Variants in SH3D19 observed in about 807,000 individuals in gnomAD.
SH3D19 encodes SH3 domain containing 19.
Under a neutral mutation model 112.1 loss-of-function variants are expected in SH3D19, and 58 were observed. The ratio of observed to expected loss-of-function variants is 0.52; its 90% CI spans 0.42 to 0.64. SH3D19 has a LOEUF of 0.64. SH3D19 is among the 30% of genes least tolerant of loss of function. The pLI is 0.00. For missense variants in SH3D19, 1,090 were observed against 1,263.4 expected, an observed-to-expected ratio of 0.86 and a Z score of 2.08; for synonymous variants, 391 against 448.5, an observed-to-expected ratio of 0.87 and a Z score of 1.62.
chr4:151,250,913 C>T (rs1278818531), intron 1 of SH3D19, among the ~76,000 whole-genome samples: 1 of 152,202 alleles, frequency 6.6e-6, no homozygotes, highest in Non-Finnish European at 1.5e-5. Flanking sequence ...TCAACAAAGA[C>T]TGTTGGCCGA....
chr4:151,150,376 C>T (rs924738729), intron 9 of SH3D19, among the ~76,000 whole-genome samples: 12 of 144,976 alleles, frequency 8.3e-5, no homozygotes, highest in Admixed American at 1.4e-4. Flanking sequence ...TTATTCATTC[C>T]GTGATCACAC....
Position 151,325,511 on chromosome 4 carries a change from C to A in SH3D19, c.-159G>T. 1 of 316,208 alleles carries A rather than the reference C, an allele frequency of 3.2e-6. No individual in the cohort carries two copies. 19.6% of individuals were successfully genotyped at this position (316,208 alleles called of 1,614,324 possible). A position where few individuals can be genotyped will look rare whatever the true frequency, so the allele number is the denominator to read the frequency against. On this transcript the variant is annotated 5_prime_UTR_variant, in exon 1 of 20. Coordinates refer to ENST00000604030, the MANE Select transcript of SH3D19 (RefSeq NM_001378122.1). ...CGGCGGCTGTGGAAATGGCCACCTCCGCGAACTCCACCTGCAGCCGGCCGG... is the reference window on the plus strand; with the variant it reads ...CGGCGGCTGTGGAAATGGCCACCTCAGCGAACTCCACCTGCAGCCGGCCGG...
intron 2 of SH3D19, among the ~76,000 whole-genome samples, chr4:151,222,851 G>C (rs1768321040): frequency 6.6e-6 from 1 of 151,676 alleles, no homozygotes; most frequent in Non-Finnish European, 1.5e-5. Context: ...TGTTAGTAGA[G>C]ATGGAGTTGG....
In SH3D19 at chr4:151,132,215, T is replaced by G. The variant is rs1750869641; in HGVS notation, c.2742+116A>C. On this transcript the variant is annotated intron_variant, in intron 17 of 19. Transcript: ENST00000604030. ...CATCTAAGAATTTATTACAAACATT[T>G]GTTGTATGAATTGAAAAATTAATTC... 35 of 792,032 alleles carry G rather than the reference T, an allele frequency of 4.4e-5. No individual in the cohort carries two copies. In the South Asian group the frequency reaches 6.2e-4, roughly 14 times the overall value. The allele number at this position is 792,032 out of a possible 1,614,324, so 49.1% of individuals were successfully genotyped here.
chr4:151,272,940 C>T (rs1773328295), intron 1 of SH3D19, among the ~76,000 whole-genome samples: 1 of 152,060 alleles, frequency 6.6e-6, no homozygotes, highest in Admixed American at 6.6e-5. Flanking sequence ...TCAATTATTA[C>T]ATGAGGGGCT....
At chr4:151,229,621 A>G (rs1364038825) in intron 1 of SH3D19, among the ~76,000 whole-genome samples, 1 of 152,194 alleles carries the variant, frequency 6.6e-6, no homozygotes, top group African/African-American at 2.4e-5. Flanking sequence ...AAGACAGAAA[A>G]CAAGGCAGAG....
chr4:151,166,206 T>G (rs1757999571), intron 7 of SH3D19: 1 of 152,186 alleles, frequency 6.6e-6, no homozygotes, highest in Admixed American at 6.5e-5. Context: ...AAACTACACT[T>G]CAGTAACATG....
intron 4 of SH3D19, among the ~76,000 whole-genome samples, chr4:151,178,784 T>C (rs1285948915): frequency 6.6e-6 from 1 of 152,176 alleles, no homozygotes; most frequent in Non-Finnish European, 1.5e-5. Flanking sequence ...AATGTCATGA[T>C]GTAATGTAAA....
At chr4:151,269,138 T>C (rs564557565) in intron 1 of SH3D19, among the ~76,000 whole-genome samples, 8 of 152,252 alleles carry the variant, frequency 5.3e-5, no homozygotes, top group Non-Finnish European at 7.3e-5. Flanking sequence ...CCATTCTAAC[T>C]GATGTGAGAT....
intron 1 of SH3D19, among the ~76,000 whole-genome samples, chr4:151,236,102 G>A (rs562654326): frequency 1.3e-5 from 2 of 152,350 alleles, no homozygotes; most frequent in African/African-American, 2.4e-5. Context: ...AGCAGCCCTC[G>A]TTCACTCTTG....
At chr4:151,122,246 G>T in intron 19 of SH3D19, 39 bp from the exon 20 acceptor site, 2 of 1,136,404 alleles carry the variant, frequency 1.8e-6, no homozygotes, top group Non-Finnish European at 2.7e-6. Context: ...GGTTTCTGTT[G>T]AGAATAAGCA....
At chr4:151,227,872 T>A (rs2149952456) in intron 1 of SH3D19, 1 of 985,388 alleles carries the variant, frequency 1.0e-6, no homozygotes, top group East Asian at 1.1e-4. Flanking sequence ...CTAATCTTCC[T>A]AGTGGTACAA....
intron 1 of SH3D19, among the ~76,000 whole-genome samples, chr4:151,274,242 T>C (rs1001842977): frequency 1.4e-4 from 21 of 152,190 alleles, no homozygotes; most frequent in African/African-American, 4.6e-4. Context: ...AATGGAGAGA[T>C]TTTTTTCACG....
In SH3D19 at chr4:151,175,413, C is replaced by A; in HGVS notation, c.791G>T (p.Arg264Leu). ...AAVGEESSPGRPQSLLDNAST... is the reference protein window; with the variant it reads ...AAVGEESSPGLPQSLLDNAST... ...AGCGTTGTCCAGCAGAGACTGGGGC[C>A]GGCCTGGGGATGACTCCTCTCCTAC... Residue 264 changes from arginine (R) to leucine (L), a missense_variant, in exon 7 of 20, where the codon CGG (arginine) becomes CTG (leucine). Arg to Leu is a moderately radical substitution (Grantham distance 102). Transcript: ENST00000604030. 6.5e-7 allele frequency: 1 copy of A among 1,544,086 alleles called. No homozygotes were observed. The highest frequency in any genetic ancestry group is 2.3e-5 in the East Asian group (1 of 44,308).
intron 1 of SH3D19, among the ~76,000 whole-genome samples, chr4:151,267,760 G>A (rs1772922618): frequency 1.3e-5 from 2 of 152,136 alleles, no homozygotes; most frequent in African/African-American, 4.8e-5. Context: ...AAAAGAACAG[G>A]TGCATTAGTT....
In SH3D19 at chr4:151,175,145, C is replaced by T; in HGVS notation, c.1059G>A (p.Glu353=). The T allele has an allele frequency of 6.2e-7, 1 of 1,614,112 alleles. No homozygotes were observed. The highest frequency in any genetic ancestry group is 8.5e-7 in the Non-Finnish European group (1 of 1,180,026). Residue 353 remains glutamate, a synonymous_variant, in exon 7 of 20, where the codon GAG becomes GAA. Transcript: ENST00000604030. ...CCTTGGAGGTCACCTTGAGTCTGTT[C>T]TCAGTCCCAGAGTCCCACTCTCCAG... ...RASGEWDSGT[E]NRLKVTSKEG...
At chr4:151,277,552 A>G (rs1010927666) in intron 1 of SH3D19, among the ~76,000 whole-genome samples, 12 of 152,176 alleles carry the variant, frequency 7.9e-5, no homozygotes, top group Admixed American at 7.9e-4. Flanking sequence ...GAGTGTTGCA[A>G]TCTTTAGAAG....
At chr4:151,194,085 G>A (rs1301214915) in intron 2 of SH3D19, among the ~76,000 whole-genome samples, 1 of 140,726 alleles carries the variant, frequency 7.1e-6, no homozygotes, top group Non-Finnish European at 1.5e-5. Flanking sequence ...GAGTGCAGTG[G>A]CATGATCTCG....
chr4:151,247,487 T>C (rs1174605866), intron 1 of SH3D19, among the ~76,000 whole-genome samples: 1 of 152,200 alleles, frequency 6.6e-6, no homozygotes, highest in African/African-American at 2.4e-5. Flanking sequence ...CTATTTCTTT[T>C]AAAAAATTAA....
Sources: allele counts gnomAD v4.1 joint callset (sites outside exome capture counted in the v4.1 genomes callset), GRCh38; gene constraint gnomAD v4.1.1; transcripts MANE v1.5; gene names NCBI Gene and HGNC (gene_info 2026-07-23, HGNC 2026-07-21).